Variants in COL23A1 observed in about 807,000 individuals in gnomAD.
COL23A1 encodes collagen alpha-1(XXIII) chain.
Under a neutral mutation model 99.3 loss-of-function variants are expected in COL23A1, and 97 were observed. That is an observed-to-expected ratio of 0.98 (90% CI 0.83 to 1.16). The LOEUF (loss-of-function observed/expected upper bound fraction) is 1.16. Ranked by LOEUF, COL23A1 falls within the 50% of genes most tolerant of loss-of-function variation. The pLI is 0.00. For missense variants in COL23A1, 762 were observed against 757.4 expected (o/e 1.01, Z -0.07); for synonymous variants, 320 against 308.2 (o/e 1.04, Z -0.40).
intron 3 of COL23A1, among the ~76,000 whole-genome samples, chr5:178,295,912 T>A (rs1757716704): frequency 6.6e-6 from 1 of 152,320 alleles, no homozygotes; most frequent in South Asian, 2.1e-4. Flanking sequence ...AAACAGGACA[T>A]CTCTAGGTGT....
intron 2 of COL23A1, among the ~76,000 whole-genome samples, chr5:178,433,022 G>C (rs1365516867): frequency 6.6e-6 from 1 of 152,044 alleles, no homozygotes; most frequent in Non-Finnish European, 1.5e-5. Context: ...CCCTCTCCGA[G>C]AGGTTTATTT....
intron 2 of COL23A1, among the ~76,000 whole-genome samples, chr5:178,506,475 T>A (rs1339351285): frequency 6.6e-6 from 1 of 151,966 alleles, no homozygotes; most frequent in Non-Finnish European, 1.5e-5. Flanking sequence ...CCAAGGAACA[T>A]CCCCCTGGGC....
chr5:178,335,918 G>C (rs1760292394), intron 2 of COL23A1, among the ~76,000 whole-genome samples: 1 of 152,222 alleles, frequency 6.6e-6, no homozygotes, highest in South Asian at 2.1e-4. Context: ...AATTCCAAAG[G>C]ATTTGGGATA....
chr5:178,413,414 C>T (rs894486143), intron 2 of COL23A1, among the ~76,000 whole-genome samples: 7 of 152,114 alleles, frequency 4.6e-5, no homozygotes, highest in South Asian at 2.1e-4. Context: ...TTGAATTCAA[C>T]GAGTCCTTTG....
At chr5:178,268,584 G>T in intron 7 of COL23A1, 146 bp downstream of exon 7, 1 of 653,840 alleles carries the variant, frequency 1.5e-6, no homozygotes, top group Non-Finnish European at 2.4e-6. Flanking sequence ...GGTAGGCACT[G>T]TGATTCCCAC....
chr5:178,378,523 C>T (rs916537920), intron 2 of COL23A1, among the ~76,000 whole-genome samples: 1 of 152,176 alleles, frequency 6.6e-6, no homozygotes, highest in African/African-American at 2.4e-5. Flanking sequence ...AGTAGTAAAA[C>T]CAGAGCTCAA....
intron 2 of COL23A1, among the ~76,000 whole-genome samples, chr5:178,447,219 G>A (rs1422135454): frequency 1.3e-5 from 2 of 151,578 alleles, no homozygotes; most frequent in East Asian, 1.9e-4. Context: ...TCAGCCTCCC[G>A]AGTAGCTGGG....
At chr5:178,574,806 G>A (rs534805970) in intron 1 of COL23A1, among the ~76,000 whole-genome samples, 1 of 152,278 alleles carries the variant, frequency 6.6e-6, no homozygotes, top group Non-Finnish European at 1.5e-5. Flanking sequence ...CTCCGAGTTG[G>A]AGAGAATGAG....
chr5:178,541,416 C>T (rs1464571034), intron 2 of COL23A1, among the ~76,000 whole-genome samples: 3 of 152,078 alleles, frequency 2.0e-5, no homozygotes, highest in Admixed American at 6.6e-5. Flanking sequence ...GGTGAAACCC[C>T]GTCTCTACCA....
chr5:178,274,579 G>A (rs112655302), intron 5 of COL23A1, among the ~76,000 whole-genome samples: 49 of 40,594 alleles, frequency 1.2e-3, no homozygotes, highest in African/African-American at 1.7e-3. Context: ...GCTGGGTGTG[G>A]GGGGGGTCTC....
At chr5:178,303,035 C>G (rs1758156055) in intron 3 of COL23A1, among the ~76,000 whole-genome samples, 1 of 152,216 alleles carries the variant, frequency 6.6e-6, no homozygotes, top group Admixed American at 6.5e-5. Context: ...GAGTCTAGCT[C>G]TGTTGCCCAG....
rs1460267945 is a variant in COL23A1 at position 178,255,932 on chromosome 5, T to C, written c.882+421A>G. The C allele has an allele frequency of 2.7e-5, 7 of 256,460 alleles. No homozygotes were observed. Among genetic ancestry groups the C allele is most frequent in the Non-Finnish European group, 4.2e-5 (5 of 120,002 alleles). The allele number at this position is 256,460 out of a possible 1,614,324, so 15.9% of individuals were successfully genotyped here. On this transcript the variant is annotated intron_variant, in intron 15 of 28. Transcript: ENST00000390654. This position sits in a 1 kb window ranked among gnomAD's most constrained non-coding sequence, Gnocchi z 4.2. ...TGATAGGGGCTGGTCACAAAAGATC[T>C]GGGGCAGGCTGGGGTGCTGTGCTCC...
At position 178,523,195 on chromosome 5, in the gene COL23A1, TATATATAGAG is replaced by T. The variant is rs1341155382; in HGVS notation, c.361+37477_361+37486del. 1.7e-3 allele frequency among the ~76,000 whole-genome samples: 134 copies of T among 78,888 alleles called. 1 individual carries two copies. Among genetic ancestry groups the T allele is most frequent in the African/African-American group, 4.5e-3 (118 of 26,386 alleles). The allele number at this position is 78,888 out of a possible 152,430, so 51.8% of individuals were successfully genotyped here. A position where few individuals can be genotyped will look rare whatever the true frequency, so the allele number is the denominator to read the frequency against. On this transcript the variant is annotated intron_variant, in intron 2 of 28. Coordinates refer to ENST00000390654, the MANE Select transcript of COL23A1 (RefSeq NM_173465.4). ...ATATATATACACATATATATATATATATATATAGAGAGAGAGAGAGAGAGAGAGAGACAGA... is the reference window on the plus strand; with the variant it reads ...ATATATATACACATATATATATATATAGAGAGAGAGAGAGAGAGAGACAGA...
chr5:178,473,283 G>C (rs1468724667), intron 2 of COL23A1, among the ~76,000 whole-genome samples: 2 of 151,940 alleles, frequency 1.3e-5, no homozygotes, highest in South Asian at 2.1e-4. Context: ...TAGGTTAAAT[G>C]CAAGTACACG....
rs1430522287 is a variant in COL23A1, at chr5:178,252,605, TGA to T, written c.961-10_961-9del. On this transcript the variant is annotated splice_polypyrimidine_tract_variant and intron_variant, in intron 16 of 28. Transcript: ENST00000390654. ...CTGTGGTCCGGGAGGCCCCTGTGTG[TGA>T]GAGTGAAGCCGGTCAGTGTCATGGG... 5 of 1,608,098 alleles carry T rather than the reference TGA, an allele frequency of 3.1e-6. No individual in the cohort carries two copies. The highest frequency in any genetic ancestry group is 1.3e-5 in the African/African-American group (1 of 74,826).
At chr5:178,487,820 T>C (rs557441910) in intron 2 of COL23A1, among the ~76,000 whole-genome samples, 2 of 152,330 alleles carry the variant, frequency 1.3e-5, no homozygotes, top group African/African-American at 4.8e-5. Context: ...CTGAAAACCC[T>C]GGGTCACTGG....
chr5:178,246,218 C>T, intron 24 of COL23A1, 36 bp downstream of exon 24: 1 of 1,552,138 alleles, frequency 6.4e-7, no homozygotes, highest in Non-Finnish European at 8.7e-7. Flanking sequence ...ACCAGGTGGC[C>T]ACGGTTGGAG....
At position 178,246,249 on chromosome 5, in the gene COL23A1, G is replaced by A. The variant is rs758645290; in HGVS notation, c.1413+5C>T. On this transcript the variant is annotated splice_donor_5th_base_variant and intron_variant, in intron 24 of 28. Transcript: ENST00000390654. ...TGGAGAGGGAGTTCCGAATGAGGCG[G>A]TTACCTTCTCTCCTTTGGTTCCTGG... is the stretch of plus-strand genomic sequence containing the variant. 9.7e-6 allele frequency: 15 copies of A among 1,553,446 alleles called. No homozygotes were observed. The South Asian group carries it at 1.8e-4, about 18-fold the overall frequency.
At chr5:178,560,430 A>AG (rs1762497141) in intron 2 of COL23A1, among the ~76,000 whole-genome samples, 1 of 152,132 alleles carries the variant, frequency 6.6e-6, no homozygotes, top group African/African-American at 2.4e-5. Flanking sequence ...CTAAATCTTC[A>AG]GGCAGCTAAG....
Sources: allele counts gnomAD v4.1 joint callset (sites outside exome capture counted in the v4.1 genomes callset), GRCh38; gene constraint gnomAD v4.1.1; non-coding constraint Gnocchi (gnomAD v3.1); transcripts MANE v1.5; gene names NCBI Gene and HGNC (gene_info 2026-07-23, HGNC 2026-07-21).